The following KCNT2 variants were observed in gnomAD, a reference collection of about 807,000 sequenced individuals.
KCNT2 encodes the protein potassium channel subfamily T member 2.
KCNT2 carries 67 observed loss-of-function variants against 153.8 expected under a neutral mutation model. The ratio of observed to expected loss-of-function variants is 0.44; its 90% CI spans 0.36 to 0.53. The LOEUF (loss-of-function observed/expected upper bound fraction) is 0.53, where lower values mean the gene tolerates loss of function less well. Ranked by LOEUF, KCNT2 falls within the 20% of genes least tolerant of loss-of-function variation. KCNT2 has a pLI of 0.00. For missense variants in KCNT2, 975 were observed against 1,354.8 expected (o/e 0.72, Z 4.40); for synonymous variants, 500 against 458.8 (o/e 1.09, Z -1.15).
At chr1:196,574,866 G>C (rs1661171368) in intron 1 of KCNT2, among the ~76,000 whole-genome samples, 1 of 151,860 alleles carries the variant, frequency 6.6e-6, no homozygotes, top group Non-Finnish European at 1.5e-5. Context: ...ACAAGATAAA[G>C]CAGAGTTTTG....
rs898134979 is a variant in KCNT2 at position 196,368,603 on chromosome 1, G to A, written c.1403+4537C>T. Among the ~76,000 whole-genome samples the A allele has an allele frequency of 2.0e-5, 3 of 152,084 alleles. No individual in the cohort carries two copies. In the South Asian group the frequency reaches 6.2e-4, roughly 32 times the overall value. ...GAACAGCCTCCAAAATGCTTGCTCAGTCTTAATCTAGAATCATCTATGTTG... is the reference window on the plus strand; with the variant it reads ...GAACAGCCTCCAAAATGCTTGCTCAATCTTAATCTAGAATCATCTATGTTG... On this transcript the variant is annotated intron_variant, in intron 14 of 27. Transcript: ENST00000294725.
rs1334981928 is a variant in KCNT2 at position 196,545,589 on chromosome 1, G to C, written c.96-53248C>G. ...TTATATAGCATACAATTTACCTATT[G>C]AAAGTGAATAATTCAATATGTTTCA... is the stretch of plus-strand genomic sequence containing the variant. On this transcript the variant is annotated intron_variant, in intron 1 of 27. Transcript: ENST00000294725. Among the ~76,000 whole-genome samples, 3 of 151,890 alleles carry C rather than the reference G, an allele frequency of 2.0e-5. No individual in the cohort carries two copies. The South Asian group carries it at 6.2e-4, about 31-fold the overall frequency.
intron 13 of KCNT2, among the ~76,000 whole-genome samples, chr1:196,394,381 G>C (rs1558237108): frequency 6.6e-6 from 1 of 151,616 alleles, no homozygotes; most frequent in Non-Finnish European, 1.5e-5. Context: ...TGCCGCTGTG[G>C]ATTAGGTAGT....
intron 8 of KCNT2, among the ~76,000 whole-genome samples, chr1:196,444,231 C>A (rs528987377): frequency 1.3e-5 from 2 of 151,340 alleles, no homozygotes; most frequent in East Asian, 3.9e-4. Context: ...ATAAACTTTT[C>A]TGACTTTAAT....
chr1:196,240,805 T>A (rs1654881994), intron 26 of KCNT2, among the ~76,000 whole-genome samples: 1 of 151,984 alleles, frequency 6.6e-6, no homozygotes, highest in Non-Finnish European at 1.5e-5. Flanking sequence ...ATTGAAAGCT[T>A]GTAAGGATCG....
rs143167255 is a variant in KCNT2 at position 196,573,484 on chromosome 1, A to G, written c.95+34731T>C. ...AGTCTTGATTTCTAATCACGCCAGG[A>G]GAAAATGATCTTAACAACTTTGATG... On this transcript the variant is annotated intron_variant, in intron 1 of 27. Coordinates refer to ENST00000294725, the MANE Select transcript of KCNT2 (RefSeq NM_198503.5). Among the ~76,000 whole-genome samples the G allele has an allele frequency of 5.4e-4, 82 of 152,200 alleles. 1 individual carries two copies. The East Asian group carries it at 0.014, about 27-fold the overall frequency.
intron 1 of KCNT2, among the ~76,000 whole-genome samples, chr1:196,601,396 G>A (rs1253664373): frequency 2.0e-5 from 3 of 152,140 alleles, no homozygotes; most frequent in Admixed American, 2.0e-4. Context: ...TTCCACTACT[G>A]TAAAATCATT....
chr1:196,490,728 G>C (rs1267338087), intron 2 of KCNT2, among the ~76,000 whole-genome samples: 1 of 151,754 alleles, frequency 6.6e-6, no homozygotes, highest in East Asian at 1.9e-4. Flanking sequence ...AATATTCAAT[G>C]ATGATGAAGA....
chr1:196,358,133 TCTGGATTGATCTC>T (rs1667324211), intron 14 of KCNT2, among the ~76,000 whole-genome samples: 1 of 151,846 alleles, frequency 6.6e-6, no homozygotes, highest in Non-Finnish European at 1.5e-5. Context: ...TATCATCTCT[TCTGGATTGATCTC>T]CTGTGCTTCT....
At chr1:196,257,806 C>A in intron 26 of KCNT2, 1 of 984,956 alleles carries the variant, frequency 1.0e-6, no homozygotes, top group Non-Finnish European at 1.2e-6. Flanking sequence ...GTGGCCAATA[C>A]AATCAGTTAC....
At chr1:196,485,096 T>C (rs1016246324) in intron 3 of KCNT2, among the ~76,000 whole-genome samples, 2 of 151,976 alleles carry the variant, frequency 1.3e-5, no homozygotes, top group Non-Finnish European at 2.9e-5. Context: ...TACATACACA[T>C]CATGGAATAT....
intron 26 of KCNT2, among the ~76,000 whole-genome samples, chr1:196,251,885 T>C (rs1656005332): frequency 6.6e-6 from 1 of 151,892 alleles, no homozygotes; most frequent in Admixed American, 6.6e-5. Context: ...ATACACCTAG[T>C]ATGTGCTCAC....
At chr1:196,551,599 C>T (rs1276868578) in intron 1 of KCNT2, among the ~76,000 whole-genome samples, 1 of 151,634 alleles carries the variant, frequency 6.6e-6, no homozygotes, top group Non-Finnish European at 1.5e-5. Flanking sequence ...TCTTCTAAAT[C>T]ATCCATGAAA....
intron 1 of KCNT2, among the ~76,000 whole-genome samples, chr1:196,538,849 C>T (rs1327076973): frequency 2.6e-5 from 4 of 152,182 alleles, no homozygotes; most frequent in African/African-American, 9.6e-5. Context: ...TTAAAATGTT[C>T]TAACTTCTGC....
At chr1:196,258,586 T>C (rs1571824184) in intron 25 of KCNT2, 92 bp from the exon 26 acceptor site, 2 of 1,025,046 alleles carry the variant, frequency 2.0e-6, no homozygotes, top group South Asian at 1.5e-5. Context: ...TATATTGTTA[T>C]ATTTCTACTC....
chr1:196,282,078 C>T (rs1031025807), intron 24 of KCNT2, among the ~76,000 whole-genome samples, 195 bp downstream of exon 24: 2 of 151,874 alleles, frequency 1.3e-5, no homozygotes, highest in African/African-American at 2.4e-5. Flanking sequence ...CACAAAATGG[C>T]TATTTATTAT....
chr1:196,516,973 C>T (rs1682108962), intron 1 of KCNT2, among the ~76,000 whole-genome samples: 2 of 152,180 alleles, frequency 1.3e-5, no homozygotes, highest in South Asian at 4.1e-4. Context: ...GCCTGAGTCT[C>T]CAACCACCCC....
chr1:196,411,298 G>A (rs367753461), intron 12 of KCNT2, among the ~76,000 whole-genome samples: 1 of 151,110 alleles, frequency 6.6e-6, no homozygotes, highest in Admixed American at 6.6e-5. Flanking sequence ...GGTACCATGT[G>A]GTTTTAATAA....
At chr1:196,369,831 G>A (rs1458616606) in intron 14 of KCNT2, among the ~76,000 whole-genome samples, 1 of 151,998 alleles carries the variant, frequency 6.6e-6, no homozygotes, top group East Asian at 1.9e-4. Flanking sequence ...AGTCCTTTGG[G>A]TATATACCCA....
Sources: gnomAD v4.1 joint callset for allele counts (sites outside exome capture counted in the v4.1 genomes callset) on GRCh38, gnomAD v4.1.1 for gene constraint, MANE v1.5 for transcripts, NCBI Gene and HGNC (gene_info 2026-07-23, HGNC 2026-07-21) for gene names.